The following CDKN2B-AS1 variants were observed in gnomAD, a reference collection of about 807,000 sequenced individuals.
CDKN2B-AS1 encodes CDKN2B and CDKN2A antisense cis and trans regulatory RNA 1.
chr9:22,026,095 A>G (rs1309964412), intron 1 of CDKN2B-AS1, among the ~76,000 whole-genome samples: 1 of 152,076 alleles, frequency 6.6e-6, no homozygotes, highest in Non-Finnish European at 1.5e-5. Flanking sequence ...CCTGCTAAAA[A>G]AAAAAAAAAA....
intron 1 of CDKN2B-AS1, among the ~76,000 whole-genome samples, chr9:22,035,440 G>A (rs994693234): frequency 2.0e-5 from 3 of 152,044 alleles, no homozygotes; most frequent in East Asian, 1.9e-4. Context: ...TTGGGTAATC[G>A]TGAATATGTT....
intron 1 of CDKN2B-AS1, among the ~76,000 whole-genome samples, chr9:22,018,056 G>A (rs190472044): frequency 6.1e-4 from 93 of 152,346 alleles, no homozygotes; most frequent in Non-Finnish European, 1.1e-3. Context: ...TCTAAAAGTG[G>A]CTCACGCCTG....
Position 22,000,326 on chromosome 9 carries a change from A to G in CDKN2B-AS1, n.29+5165A>G, listed in dbSNP as rs761312062. ...GGGAGCAAATGTATAATAAAGTGGT[A>G]TGCTTCCCTAGAAAGGGGACGACCT... On this transcript the variant is annotated intron_variant and non_coding_transcript_variant, in intron 1 of 4. Transcript: ENST00000650946. This position sits in a 1 kb window ranked among gnomAD's most constrained non-coding sequence, Gnocchi z 4.1. Among the ~76,000 whole-genome samples the G allele has an allele frequency of 9.9e-5, 15 of 152,180 alleles. No individual in the cohort carries two copies. The highest frequency in any genetic ancestry group is 2.0e-4 in the Admixed American group (3 of 15,284).
intron 4 of CDKN2B-AS1, among the ~76,000 whole-genome samples, chr9:22,082,460 C>T (rs1205952970): frequency 6.6e-6 from 1 of 152,170 alleles, no homozygotes; most frequent in Non-Finnish European, 1.5e-5. Context: ...CAAGATCACA[C>T]ATGTGGAAAG....
At chr9:22,112,690 A>T (rs959124691) in intron 4 of CDKN2B-AS1, among the ~76,000 whole-genome samples, 7 of 152,196 alleles carry the variant, frequency 4.6e-5, no homozygotes, top group Admixed American at 4.6e-4. Context: ...TTATAAAGAG[A>T]GTTCTAAAGT....
chr9:22,113,349 C>T (rs140200287), intron 4 of CDKN2B-AS1, among the ~76,000 whole-genome samples: 2 of 152,198 alleles, frequency 1.3e-5, no homozygotes, highest in African/African-American at 2.4e-5. Context: ...CTCTGACTTC[C>T]CTTTCTGTCA....
rs117271659 is a variant in CDKN2B-AS1 at position 22,006,525 on chromosome 9, T to C, written n.29+11364T>C. 6.2e-4 allele frequency among the ~76,000 whole-genome samples: 94 copies of C among 152,358 alleles called. 3 individuals are homozygous for C. The East Asian group carries it at 0.018, about 29-fold the overall frequency. ...GTTGATGGTAAAGTGATGATCATCA[T>C]TATGGAAAAACAAATCTTGATTTCC... On this transcript the variant is annotated intron_variant and non_coding_transcript_variant, in intron 1 of 4. Transcript: ENST00000650946. This position sits in a 1 kb window ranked among gnomAD's most constrained non-coding sequence, Gnocchi z 6.4.
At chr9:22,062,016 C>A (rs1563955804) in intron 4 of CDKN2B-AS1, 1 of 152,148 alleles carries the variant, frequency 6.6e-6, no homozygotes, top group African/African-American at 2.4e-5. Context: ...AGAAGATAAT[C>A]TTTTCACAAG....
At chr9:22,023,891 C>T (rs1195865898) in intron 1 of CDKN2B-AS1, among the ~76,000 whole-genome samples, 1 of 152,180 alleles carries the variant, frequency 6.6e-6, no homozygotes, top group Non-Finnish European at 1.5e-5. Flanking sequence ...ACTCCTATAA[C>T]TCTGCGAACT....
Position 22,000,664 on chromosome 9 carries a change from C to G in CDKN2B-AS1, n.29+5503C>G. 6.6e-6 allele frequency among the ~76,000 whole-genome samples: 1 copy of G among 152,158 alleles called. No individual in the cohort carries two copies. The highest frequency in any genetic ancestry group is 1.9e-4 in the East Asian group (1 of 5,202). On this transcript the variant is annotated intron_variant and non_coding_transcript_variant, in intron 1 of 4. Transcript: ENST00000650946. The surrounding 1 kb of genome is among the most constrained non-coding windows in gnomAD (Gnocchi z 4.1). ...AAGAAAACTCTGTGTTGACAATAAT[C>G]TGCTGACTTGTCTGTGGGTTTTTGA...
intron 1 of CDKN2B-AS1, among the ~76,000 whole-genome samples, chr9:22,022,885 A>C (rs1822071039): frequency 6.6e-6 from 1 of 152,090 alleles, no homozygotes; most frequent in Non-Finnish European, 1.5e-5. Flanking sequence ...TCTCTTATGA[A>C]ACTTAGTTTG....
chr9:22,056,735 A>T (rs538264943), intron 4 of CDKN2B-AS1, among the ~76,000 whole-genome samples: 1 of 152,184 alleles, frequency 6.6e-6, no homozygotes, highest in African/African-American at 2.4e-5. Context: ...TCATTTAAAT[A>T]TCTTTAAATA....
chr9:22,072,472 A>G (rs1157162877), intron 4 of CDKN2B-AS1, among the ~76,000 whole-genome samples: 10 of 152,166 alleles, frequency 6.6e-5, no homozygotes, highest in African/African-American at 4.8e-5. Context: ...GCCAGGTTCC[A>G]TTTCATCTCT....
rs1824282425 is a variant in CDKN2B-AS1 at position 22,071,300 on chromosome 9, T to A, written n.438+14913T>A. On this transcript the variant is annotated intron_variant and non_coding_transcript_variant, in intron 4 of 4. Coordinates refer to ENST00000650946, the Ensembl canonical transcript of CDKN2B-AS1. ...AAATATCTAGCTTTTTTTTTTTTTTTTTTTTTTTTTTTTTTTAGACACGGA... is the reference window on the plus strand; with the variant it reads ...AAATATCTAGCTTTTTTTTTTTTTTATTTTTTTTTTTTTTTTAGACACGGA... Among the ~76,000 whole-genome samples, 5 of 138,566 alleles carry A rather than the reference T, an allele frequency of 3.6e-5. 1 individual carries two copies. The Admixed American group carries it at 3.7e-4, about 10-fold the overall frequency. 90.9% of individuals were successfully genotyped at this position (138,566 alleles called of 152,430 possible).
intron 4 of CDKN2B-AS1, chr9:22,066,310 C>A (rs1824038009): frequency 6.6e-6 from 1 of 151,948 alleles, no homozygotes; most frequent in African/African-American, 2.4e-5. Flanking sequence ...AACTCCCAGG[C>A]TCAAACCTGA....
At chr9:22,081,519 G>A (rs1210921566) in intron 4 of CDKN2B-AS1, among the ~76,000 whole-genome samples, 1 of 152,182 alleles carries the variant, frequency 6.6e-6, no homozygotes, top group African/African-American at 2.4e-5. Flanking sequence ...ACTTGGCCCT[G>A]CCTGGCCTGA....
intron 4 of CDKN2B-AS1, among the ~76,000 whole-genome samples, chr9:22,126,682 C>T (rs1004410905): frequency 2.0e-5 from 3 of 149,000 alleles, no homozygotes. Context: ...ACGCCATTCT[C>T]CTGCCTCAGC....
At chr9:22,016,214 T>A (rs910874179) in intron 1 of CDKN2B-AS1, among the ~76,000 whole-genome samples, 2 of 152,082 alleles carry the variant, frequency 1.3e-5, no homozygotes, top group African/African-American at 4.8e-5. Context: ...TCTTCTAGGG[T>A]TTTTATGGTT....
At chr9:22,061,915 A>G (rs1823838835) in intron 4 of CDKN2B-AS1, 1 of 152,298 alleles carries the variant, frequency 6.6e-6, no homozygotes, top group East Asian at 1.9e-4. Flanking sequence ...TTAAATACTA[A>G]AAAATACTAG....
Sources: allele counts gnomAD v4.1 joint callset (sites outside exome capture counted in the v4.1 genomes callset), GRCh38; gene constraint gnomAD v4.1.1; non-coding constraint Gnocchi (gnomAD v3.1); transcripts MANE v1.5; gene names NCBI Gene and HGNC (gene_info 2026-07-23, HGNC 2026-07-21).